Variants in NRG1 observed in about 807,000 individuals in gnomAD.
NRG1 encodes the protein pro-neuregulin-1, membrane-bound isoform.
Under a neutral mutation model 63.8 loss-of-function variants are expected in NRG1, and 18 were observed. The ratio of observed to expected loss-of-function variants is 0.28; its 90% CI spans 0.19 to 0.42. The LOEUF is 0.42. Ranked by LOEUF, NRG1 falls within the 10% of genes least tolerant of loss-of-function variation. The pLI is 1.00. For missense variants in NRG1, 762 were observed against 814.7 expected (o/e 0.94, Z 0.79); for synonymous variants, 302 against 301.3 (o/e 1.00, Z -0.02).
chr8:32,619,851 C>T (rs1464449182), intron 5 of NRG1, among the ~76,000 whole-genome samples: 1 of 151,960 alleles, frequency 6.6e-6, no homozygotes, highest in African/African-American at 2.4e-5. Flanking sequence ...TTAGATTCAG[C>T]GGGTACATTG....
At chr8:31,958,092 T>TAGATAGAC (rs1554585912) in intron 1 of NRG1, among the ~76,000 whole-genome samples, 7 of 146,360 alleles carry the variant, frequency 4.8e-5, no homozygotes, top group Non-Finnish European at 1.0e-4. Flanking sequence ...GACAGACAGA[T>TAGATAGAC]AGATAGGCAG....
chr8:31,933,918 C>A (rs1835070188), intron 1 of NRG1, among the ~76,000 whole-genome samples: 1 of 152,076 alleles, frequency 6.6e-6, no homozygotes, highest in Non-Finnish European at 1.5e-5. Flanking sequence ...CCTCAAAACA[C>A]CTGTGATGGA....
intron 1 of NRG1, among the ~76,000 whole-genome samples, chr8:32,488,008 G>A (rs922720167): frequency 2.0e-5 from 3 of 152,144 alleles, no homozygotes; most frequent in African/African-American, 7.2e-5. Context: ...TCTTTCTGGA[G>A]ACTGTGGTTT....
chr8:32,717,795 T>G (rs1819623882), intron 5 of NRG1, among the ~76,000 whole-genome samples: 1 of 152,192 alleles, frequency 6.6e-6, no homozygotes, highest in Non-Finnish European at 1.5e-5. Flanking sequence ...TTAGGCTTTT[T>G]ACCTGCAAAG....
intron 5 of NRG1, among the ~76,000 whole-genome samples, chr8:32,684,846 A>G (rs1809657529): frequency 1.2e-5 from 1 of 86,856 alleles, no homozygotes; most frequent in South Asian, 2.9e-4. Flanking sequence ...GACACTACTG[A>G]TATTTTCAGG....
chr8:31,748,448 T>G (rs1187975468), intron 1 of NRG1, among the ~76,000 whole-genome samples: 4 of 151,930 alleles, frequency 2.6e-5, no homozygotes, highest in Non-Finnish European at 5.9e-5. Flanking sequence ...GTCTGAAATT[T>G]TGCCTTTAAC....
intron 1 of NRG1, among the ~76,000 whole-genome samples, chr8:32,378,321 G>T (rs2129483175): frequency 6.6e-6 from 1 of 152,168 alleles, no homozygotes; most frequent in East Asian, 1.9e-4. Flanking sequence ...TACTCATAAA[G>T]CCAGCTCTAA....
At chr8:32,161,252 C>T (rs1838792475) in intron 1 of NRG1, among the ~76,000 whole-genome samples, 1 of 152,022 alleles carries the variant, frequency 6.6e-6, no homozygotes. Context: ...GATGAATTCT[C>T]ATCTCAAATT....
chr8:32,236,911 A>C (rs937714190), intron 1 of NRG1, among the ~76,000 whole-genome samples: 3 of 152,284 alleles, frequency 2.0e-5, no homozygotes, highest in African/African-American at 7.2e-5. Flanking sequence ...TTTCATGTAC[A>C]GCTGACTCCA....
At chr8:32,191,156 C>G (rs1172248166) in intron 1 of NRG1, among the ~76,000 whole-genome samples, 1 of 151,754 alleles carries the variant, frequency 6.6e-6, no homozygotes, top group East Asian at 1.9e-4. Context: ...ATGATCTCAG[C>G]TCACTGCAAC....
intron 1 of NRG1, among the ~76,000 whole-genome samples, chr8:31,700,864 T>G (rs1810557875): frequency 6.6e-6 from 1 of 152,176 alleles, no homozygotes; most frequent in Non-Finnish European, 1.5e-5. Context: ...GTCTTTATGG[T>G]AGATTCAAGT....
At chr8:32,167,478 A>C (rs6999872) in intron 1 of NRG1, among the ~76,000 whole-genome samples, 21,348 of 152,208 alleles carry the variant, frequency 0.14, 2,167 homozygotes, top group African/African-American at 0.29. Flanking sequence ...AGAGGTAAAA[A>C]TTCTTTCAGA....
intron 1 of NRG1, among the ~76,000 whole-genome samples, chr8:31,747,952 A>G (rs958019155): frequency 6.6e-6 from 1 of 152,046 alleles, no homozygotes; most frequent in African/African-American, 2.4e-5. Flanking sequence ...CACAAAGATT[A>G]TCCAGTAGTC....
chr8:32,004,976 T>C (rs76558928), intron 1 of NRG1, among the ~76,000 whole-genome samples: 9,094 of 148,520 alleles, frequency 0.061, 437 homozygotes, highest in African/African-American at 0.14. Flanking sequence ...AATATAATTC[T>C]CAAACCAGAA....
At chr8:32,418,248 CGT>C (rs527623715) in intron 1 of NRG1, among the ~76,000 whole-genome samples, 61 of 151,934 alleles carry the variant, frequency 4.0e-4, no homozygotes, top group Admixed American at 3.5e-3. Context: ...TAAAATATAA[CGT>C]GTGTTACATA....
chr8:32,053,789 A>C (rs16878694), intron 1 of NRG1, among the ~76,000 whole-genome samples: 4,333 of 152,312 alleles, frequency 0.028, 196 homozygotes, highest in African/African-American at 0.09. Context: ...CAGGCAAAGC[A>C]GGAATTTTTT....
chr8:31,827,787 A>T (rs959368335), intron 1 of NRG1, among the ~76,000 whole-genome samples: 2 of 152,144 alleles, frequency 1.3e-5, no homozygotes, highest in African/African-American at 4.8e-5. Context: ...ATTAGACAGA[A>T]TTGTGTGACC....
chr8:31,693,765 G>A (rs1485691139), intron 1 of NRG1, among the ~76,000 whole-genome samples: 2 of 152,176 alleles, frequency 1.3e-5, no homozygotes, highest in African/African-American at 4.8e-5. Context: ...TGGCTGATAT[G>A]TGTCTTCAGG....
At chr8:32,284,261 C>A (rs994764819) in intron 1 of NRG1, among the ~76,000 whole-genome samples, 3 of 152,116 alleles carry the variant, frequency 2.0e-5, no homozygotes, top group African/African-American at 7.2e-5. Flanking sequence ...AGCCCTTGAC[C>A]TGCCTTGAGT....
Sources: allele counts gnomAD v4.1 joint callset (sites outside exome capture counted in the v4.1 genomes callset), GRCh38; gene constraint gnomAD v4.1.1; transcripts MANE v1.5; gene names NCBI Gene and HGNC (gene_info 2026-07-23, HGNC 2026-07-21).